PIK3R3: variants seen among roughly 807,000 people sequenced by gnomAD.
The protein encoded by PIK3R3 is phosphoinositide-3-kinase regulatory subunit 3, also known as phosphatidylinositol 3-kinase regulatory subunit gamma.
A neutral mutation model predicts 62.9 loss-of-function variants in PIK3R3; 64 were observed. The observed-to-expected ratio is 1.02, with a 90% CI of 0.83 to 1.25. PIK3R3 has a LOEUF of 1.25. Ranked by LOEUF, PIK3R3 falls within the 50% of genes most tolerant of loss-of-function variation. The pLI is 0.00. For synonymous variants in PIK3R3, 165 were observed against 189.0 expected (o/e 0.87, Z 1.04); for missense variants, 614 against 561.6 (o/e 1.09, Z -0.94).
chr1:46,104,293 A>G (rs1454547864), intron 1 of PIK3R3, among the ~76,000 whole-genome samples: 1 of 152,232 alleles, frequency 6.6e-6, no homozygotes, highest in Non-Finnish European at 1.5e-5. Context: ...TTGTTCTGGT[A>G]GATTTTTTAA....
intron 1 of PIK3R3, among the ~76,000 whole-genome samples, chr1:46,102,024 G>T (rs1431966986): frequency 8.7e-6 from 1 of 114,304 alleles, no homozygotes; most frequent in Non-Finnish European, 1.6e-5. Context: ...TCTCGCTGTC[G>T]CCCAGGCTGG....
At chr1:46,120,277 A>G (rs1230610148) in intron 1 of PIK3R3, among the ~76,000 whole-genome samples, 1 of 152,202 alleles carries the variant, frequency 6.6e-6, no homozygotes, top group Non-Finnish European at 1.5e-5. Flanking sequence ...ATGAAGTCCA[A>G]CTTAGAAAAT....
intron 7 of PIK3R3, among the ~76,000 whole-genome samples, chr1:46,055,474 T>C (rs1188530843): frequency 1.3e-5 from 2 of 152,206 alleles, no homozygotes; most frequent in African/African-American, 4.8e-5. Context: ...TAAACAAAGA[T>C]TCTGATTTTT....
Position 46,067,009 on chromosome 1 carries a change from C to G in PIK3R3, c.397G>C (p.Val133Leu). Residue 133 changes from valine (V) to leucine (L), a missense_variant, in exon 4 of 10, where the codon GTG becomes CTG. Transcript: ENST00000262741. ...TGATAGTGGTTAATGAGCTCCACCACGGAATTAAATGTCAGAGGATCAGAA... is the reference window on the plus strand; with the variant it reads ...TGATAGTGGTTAATGAGCTCCACCAGGGAATTAAATGTCAGAGGATCAGAA... Reference protein sequence around the residue: ...GFSDPLTFNSVVELINHYHHE... With the variant: ...GFSDPLTFNSLVELINHYHHE... 6.2e-7 allele frequency: 1 copy of G among 1,605,704 alleles called. No homozygotes were observed. The highest frequency in any genetic ancestry group is 8.5e-7 in the Non-Finnish European group (1 of 1,176,634).
rs998792080 is a variant in PIK3R3, at chr1:46,090,936, G to T, written c.107-10186C>A. ...TGATTTATTGTGGTATTGATGATCTGCCTGGGGTTAGCAAACTATGGCCCT... is the reference window on the plus strand; with the variant it reads ...TGATTTATTGTGGTATTGATGATCTTCCTGGGGTTAGCAAACTATGGCCCT... On this transcript the variant is annotated intron_variant, in intron 1 of 9. Transcript: ENST00000262741. Among the ~76,000 whole-genome samples the T allele has an allele frequency of 2.0e-5, 3 of 152,128 alleles. No individual in the cohort carries two copies. The South Asian group carries it at 6.2e-4, about 32-fold the overall frequency.
At chr1:46,115,454 T>A (rs1222802790) in intron 1 of PIK3R3, among the ~76,000 whole-genome samples, 2 of 152,176 alleles carry the variant, frequency 1.3e-5, no homozygotes, top group African/African-American at 4.8e-5. Context: ...TAAATTAAGG[T>A]TGCTAGATTT....
chr1:46,137,299 G>A (rs1048158787), upstream of PIK3R3, among the ~76,000 whole-genome samples: 1 of 152,172 alleles, frequency 6.6e-6, no homozygotes. Flanking sequence ...TCATAGAGGA[G>A]GGACCAACAA....
At position 46,067,095 on chromosome 1, in the gene PIK3R3, TG is replaced by T; in HGVS notation, c.315-5del. ...TAACTTATTATTGCCTCCCTTCCTG[TG>T]AACAACAAGACAACAACTGTGGATT... On this transcript the variant is annotated splice_region_variant and splice_polypyrimidine_tract_variant and intron_variant, in intron 3 of 9. Transcript: ENST00000262741. 5 of 1,546,502 alleles carry T rather than the reference TG, an allele frequency of 3.2e-6. No individual in the cohort carries two copies. The highest frequency in any genetic ancestry group is 4.4e-6 in the Non-Finnish European group (5 of 1,149,164).
At chr1:46,149,291 A>G in the PIK3R3 span, among the ~76,000 whole-genome samples, 1 of 151,676 alleles carries the variant, frequency 6.6e-6, no homozygotes, top group Admixed American at 6.6e-5. Flanking sequence ...GCGTGATAGC[A>G]GGTGCCTGTA....
chr1:46,072,957 A>AT (rs1649681415), intron 3 of PIK3R3, among the ~76,000 whole-genome samples: 2 of 75,744 alleles, frequency 2.6e-5, no homozygotes, highest in South Asian at 3.7e-4. Context: ...AAATATAAAT[A>AT]AATATATATA....
chr1:46,101,087 G>A (rs1403825359), intron 1 of PIK3R3, among the ~76,000 whole-genome samples: 2 of 147,738 alleles, frequency 1.4e-5, no homozygotes, highest in Non-Finnish European at 3.0e-5. Flanking sequence ...CATGAGAATC[G>A]TCTGAACCCA....
intron 1 of PIK3R3, chr1:46,105,270 G>T: frequency 6.8e-6 from 2 of 295,144 alleles, no homozygotes; most frequent in Non-Finnish European, 1.3e-5. Context: ...TTGGGAGGCC[G>T]AGGAGGGCAG....
the PIK3R3 span, among the ~76,000 whole-genome samples, chr1:46,150,895 G>A: frequency 6.9e-3 from 932 of 134,544 alleles, 23 homozygotes; most frequent in Admixed American, 0.048. Context: ...TGCAACTTCC[G>A]CCTCCCGAGT....
chr1:46,113,223 A>C (rs2149457362), intron 1 of PIK3R3, among the ~76,000 whole-genome samples: 1 of 151,928 alleles, frequency 6.6e-6, no homozygotes, highest in South Asian at 2.1e-4. Context: ...CCCTAAATAT[A>C]GCCTTCGGGG....
intron 1 of PIK3R3, among the ~76,000 whole-genome samples, chr1:46,082,501 T>C (rs1437399312): frequency 2.6e-5 from 4 of 152,210 alleles, no homozygotes; most frequent in Non-Finnish European, 4.4e-5. Context: ...GAGTATGACA[T>C]AGTAGTAGTA....
chr1:46,108,866 A>T (rs1016594740), intron 1 of PIK3R3, among the ~76,000 whole-genome samples: 7 of 152,238 alleles, frequency 4.6e-5, no homozygotes, highest in African/African-American at 1.7e-4. Context: ...CTTCAAAAAA[A>T]TTATGTTTCT....
the PIK3R3 span, among the ~76,000 whole-genome samples, chr1:46,172,744 GC>G: frequency 1.3e-5 from 2 of 152,302 alleles, no homozygotes; most frequent in South Asian, 4.1e-4. Flanking sequence ...TGTAATCCCT[GC>G]ACTTTGGAAG....
At chr1:46,121,443 G>C (rs1051255125) in intron 1 of PIK3R3, among the ~76,000 whole-genome samples, 1 of 152,030 alleles carries the variant, frequency 6.6e-6, no homozygotes, top group Non-Finnish European at 1.5e-5. Flanking sequence ...ACCTTTTTCA[G>C]AGCAATTTTC....
intron 1 of PIK3R3, among the ~76,000 whole-genome samples, chr1:46,113,255 C>A (rs1156359579): frequency 6.6e-6 from 1 of 151,924 alleles, no homozygotes; most frequent in Non-Finnish European, 1.5e-5. Flanking sequence ...CTGGACCGCA[C>A]CTAGTGGTCC....
Sources: gnomAD v4.1 joint callset for allele counts (sites outside exome capture counted in the v4.1 genomes callset) on GRCh38, gnomAD v4.1.1 for gene constraint, MANE v1.5 for transcripts, NCBI Gene and HGNC (gene_info 2026-07-23, HGNC 2026-07-21) for gene names.